Variants in UTS2 observed in about 807,000 individuals in gnomAD.
UTS2 encodes urotensin-2.
UTS2 carries 10 observed loss-of-function variants against 12.6 expected under a neutral mutation model. The ratio of observed to expected loss-of-function variants is 0.80; its 90% CI spans 0.49 to 1.35. The LOEUF (loss-of-function observed/expected upper bound fraction) is 1.35, where lower values mean the gene tolerates loss of function less well. Ranked by LOEUF, UTS2 falls within the 40% of genes most tolerant of loss-of-function variation. UTS2 has a pLI of 0.00. For synonymous variants in UTS2, 52 were observed against 50.0 expected, an observed-to-expected ratio of 1.04 and a Z score of -0.17; for missense variants, 142 against 143.2, an observed-to-expected ratio of 0.99 and a Z score of 0.04.
chr1:7,903,022 TCCC>T, the UTS2 span, among the ~76,000 whole-genome samples: 1 of 69,160 alleles, frequency 1.4e-5, no homozygotes, highest in East Asian at 4.3e-4. Context: ...TTCCCCTCCT[TCCC>T]CTCCTCCCCT....
the UTS2 span, among the ~76,000 whole-genome samples, chr1:7,872,299 CAA>C: frequency 1.0e-3 from 66 of 65,866 alleles, no homozygotes; most frequent in Middle Eastern, 0.014. Flanking sequence ...GACTCTGTCT[CAA>C]AAAAAAAAAA....
At chr1:7,863,076 TTGTATTGTATTGTATTGTATTGTA>T in the UTS2 span, among the ~76,000 whole-genome samples, 4 of 93,816 alleles carry the variant, frequency 4.3e-5, no homozygotes, top group African/African-American at 1.6e-4. Context: ...TTGTATTGTA[TTGTATTGTATTGTATTGTATTGTA>T]TTGTATTGTA....
chr1:7,864,432 T>C, the UTS2 span, among the ~76,000 whole-genome samples: 1 of 152,174 alleles, frequency 6.6e-6, no homozygotes, highest in Non-Finnish European at 1.5e-5. Context: ...CCTCTGAGGT[T>C]CCTTTGTCTG....
the UTS2 span, among the ~76,000 whole-genome samples, chr1:7,877,027 G>A: frequency 6.6e-6 from 1 of 151,380 alleles, no homozygotes; most frequent in East Asian, 1.9e-4. Flanking sequence ...CTACTCAGGA[G>A]GCTGAGGCAG....
chr1:7,878,930 T>C, the UTS2 span, among the ~76,000 whole-genome samples: 1 of 152,238 alleles, frequency 6.6e-6, no homozygotes, highest in African/African-American at 2.4e-5. Context: ...TGTCATTATA[T>C]AATGATAAAG....
the UTS2 span, among the ~76,000 whole-genome samples, chr1:7,874,363 A>T: frequency 0.14 from 21,897 of 152,158 alleles, 1,915 homozygotes; most frequent in Non-Finnish European, 0.18. Context: ...GCAGCACAGC[A>T]CCATTTTGAG....
At chr1:7,911,900 CAAAAA>C in the UTS2 span, among the ~76,000 whole-genome samples, 3 of 133,644 alleles carry the variant, frequency 2.2e-5, no homozygotes, top group Non-Finnish European at 1.6e-5. Context: ...GACTCTGTCT[CAAAAA>C]AAAAAAAAAA....
At chr1:7,877,129 AAAAAAAAAAAAAAG>A in the UTS2 span, among the ~76,000 whole-genome samples, 1 of 83,160 alleles carries the variant, frequency 1.2e-5, no homozygotes, top group Non-Finnish European at 2.6e-5. Flanking sequence ...ACTCTATCAA[AAAAAAAAAAAAAAG>A]AAAAAAAAAA....
intron 1 of UTS2, among the ~76,000 whole-genome samples, chr1:7,851,479 C>T (rs142609866): frequency 6.6e-6 from 1 of 152,064 alleles, no homozygotes; most frequent in African/African-American, 2.4e-5. Context: ...GAAATGTGGT[C>T]GACCAGATGG....
the UTS2 span, among the ~76,000 whole-genome samples, chr1:7,892,408 G>A: frequency 6.7e-6 from 1 of 150,312 alleles, no homozygotes; most frequent in Non-Finnish European, 1.5e-5. Flanking sequence ...CATCTGCAAA[G>A]CTTGCGATAC....
At chr1:7,888,543 A>G in the UTS2 span, among the ~76,000 whole-genome samples, 1 of 152,018 alleles carries the variant, frequency 6.6e-6, no homozygotes, top group Admixed American at 6.6e-5. Context: ...TGCTGTCTCT[A>G]CTCCAAGGTT....
At chr1:7,906,453 AAGAAAGAAAG>A in the UTS2 span, among the ~76,000 whole-genome samples, 1 of 125,236 alleles carries the variant, frequency 8.0e-6, no homozygotes, top group Admixed American at 9.1e-5. Flanking sequence ...GAAAAAGAGA[AAGAAAGAAAG>A]AAAGAAAGAA....
chr1:7,867,745 G>A, the UTS2 span, among the ~76,000 whole-genome samples: 1 of 152,016 alleles, frequency 6.6e-6, no homozygotes, highest in South Asian at 2.1e-4. Context: ...GTGTGGTGGT[G>A]GGTGCCTGTA....
At chr1:7,860,053 T>G in the UTS2 span, among the ~76,000 whole-genome samples, 1 of 152,116 alleles carries the variant, frequency 6.6e-6, no homozygotes, top group Non-Finnish European at 1.5e-5. Context: ...GGGTGTTTGT[T>G]GAACAGTGAG....
At chr1:7,864,930 CCGA>C in the UTS2 span, among the ~76,000 whole-genome samples, 2 of 128,870 alleles carry the variant, frequency 1.6e-5, no homozygotes, top group Non-Finnish European at 3.4e-5. Context: ...GTGTGTCTGT[CCGA>C]TACCATCTTC....
intron 1 of UTS2, among the ~76,000 whole-genome samples, chr1:7,851,382 T>C (rs767321970): frequency 6.6e-6 from 1 of 152,222 alleles, no homozygotes; most frequent in Non-Finnish European, 1.5e-5. Flanking sequence ...CTTCTTTTAC[T>C]GAACTTCAAG....
chr1:7,862,990 G>GTT, the UTS2 span, among the ~76,000 whole-genome samples: 1 of 41,356 alleles, frequency 2.4e-5, no homozygotes, highest in African/African-American at 8.6e-5. Flanking sequence ...ATTGTGTTGT[G>GTT]TTGTATTGTA....
At chr1:7,863,030 ATTGT>A in the UTS2 span, among the ~76,000 whole-genome samples, 2 of 31,560 alleles carry the variant, frequency 6.3e-5, no homozygotes, top group Non-Finnish European at 1.9e-4. Context: ...ATTGTATTGT[ATTGT>A]ATTGTATTGT....
intron 1 of UTS2, among the ~76,000 whole-genome samples, chr1:7,851,569 G>A (rs74509095): frequency 0.051 from 7,712 of 152,252 alleles, 271 homozygotes; most frequent in Middle Eastern, 0.075. Flanking sequence ...GTGCAGACCT[G>A]CTGCTGTGTT....
Sources: allele counts gnomAD v4.1 joint callset (sites outside exome capture counted in the v4.1 genomes callset), GRCh38; gene constraint gnomAD v4.1.1; transcripts MANE v1.5; gene names NCBI Gene and HGNC (gene_info 2026-07-23, HGNC 2026-07-21).